Variants in OR8B3 observed in about 807,000 individuals in gnomAD.
OR8B3 encodes the protein olfactory receptor family 8 subfamily B member 3.
For synonymous variants in OR8B3, 102 were observed against 135.4 expected, an observed-to-expected ratio of 0.75 and a Z score of 1.71; for missense variants, 278 against 377.6, an observed-to-expected ratio of 0.74 and a Z score of 2.19.
At chr11:124,397,936 C>G (rs1486530335) in intron 1 of OR8B3, among the ~76,000 whole-genome samples, 1 of 152,094 alleles carries the variant, frequency 6.6e-6, no homozygotes, top group Non-Finnish European at 1.5e-5. Flanking sequence ...CTCAGATGAT[C>G]CACCTGCCTC....
upstream of OR8B3, among the ~76,000 whole-genome samples, chr11:124,400,244 A>G (rs992929291): frequency 1.3e-5 from 2 of 152,192 alleles, no homozygotes; most frequent in African/African-American, 4.8e-5. Context: ...TATGGGATAC[A>G]ATGTGGTGTT....
upstream of OR8B3, chr11:124,399,054 ACT>A (rs1860946200): frequency 6.6e-6 from 1 of 152,002 alleles, no homozygotes; most frequent in African/African-American, 2.4e-5. Context: ...ACCATGACAA[ACT>A]CTGCAGGGAA....
upstream of OR8B3, among the ~76,000 whole-genome samples, chr11:124,403,948 CA>C (rs1298373085): frequency 1.3e-5 from 2 of 152,126 alleles, no homozygotes; most frequent in East Asian, 3.9e-4. Flanking sequence ...CCGTCTCCAC[CA>C]AAAAAATACA....
upstream of OR8B3, among the ~76,000 whole-genome samples, chr11:124,402,125 T>C (rs1861003734): frequency 6.6e-6 from 1 of 152,346 alleles, no homozygotes; most frequent in South Asian, 2.1e-4. Flanking sequence ...GCCTTTTGCA[T>C]GTATTCTTAT....
At chr11:124,398,173 A>G (rs767478321) in intron 1 of OR8B3, among the ~76,000 whole-genome samples, 4 of 152,192 alleles carry the variant, frequency 2.6e-5, no homozygotes, top group Admixed American at 6.5e-5. Context: ...TGAAGTCACC[A>G]GGTGATAACA....
chr11:124,407,521 A>T, the OR8B3 span, among the ~76,000 whole-genome samples: 1 of 152,276 alleles, frequency 6.6e-6, no homozygotes, highest in East Asian at 1.9e-4. Context: ...GTCTGTATTT[A>T]TATAGCTTCA....
At chr11:124,401,057 G>A (rs574709414), upstream of OR8B3, among the ~76,000 whole-genome samples, 1 of 152,186 alleles carries the variant, frequency 6.6e-6, no homozygotes, top group South Asian at 2.1e-4. Context: ...TACAGTCACT[G>A]TTTTAGTTCA....
At chr11:124,409,142 G>T in the OR8B3 span, among the ~76,000 whole-genome samples, 1 of 152,174 alleles carries the variant, frequency 6.6e-6, no homozygotes, top group Non-Finnish European at 1.5e-5. Flanking sequence ...TGTTTAAACT[G>T]ATTTGGCTCA....
the OR8B3 span, among the ~76,000 whole-genome samples, chr11:124,406,030 T>A: frequency 6.6e-6 from 1 of 152,228 alleles, no homozygotes; most frequent in Non-Finnish European, 1.5e-5. Flanking sequence ...AGGGATACAG[T>A]CACTTGCCAT....
At chr11:124,399,472 A>G (rs180704187), upstream of OR8B3, among the ~76,000 whole-genome samples, 1 of 152,328 alleles carries the variant, frequency 6.6e-6, no homozygotes, top group African/African-American at 2.4e-5. Flanking sequence ...CTAACTCAAC[A>G]TGTCTTTGTC....
chr11:124,402,635 G>GT (rs1279354638), upstream of OR8B3, among the ~76,000 whole-genome samples: 1 of 152,156 alleles, frequency 6.6e-6, no homozygotes, highest in Non-Finnish European at 1.5e-5. Flanking sequence ...AAAATGTGAA[G>GT]TTTTTTAAAG....
At chr11:124,403,687 C>T (rs1489260598), upstream of OR8B3, among the ~76,000 whole-genome samples, 5 of 152,238 alleles carry the variant, frequency 3.3e-5, no homozygotes, top group South Asian at 2.1e-4. Context: ...CAGGCAGAGA[C>T]GCTCTTCACT....
In OR8B3 at chr11:124,396,704, A is replaced by C; in HGVS notation, c.648T>G (p.Ile216Met). Residue 216 changes from isoleucine (I) to methionine (M), a missense_variant, in exon 2 of 2, where the codon ATT becomes ATG. Transcript: ENST00000641139. ...NIMVPSCTIL[I>M]SYVFIVTSIL... ...TGCTAGTGACAATGAAAACATAAGA[A>C]ATGAGGATGGTACAACTGGGTACCA... 6.2e-7 allele frequency: 1 copy of C among 1,613,910 alleles called. No individual in the cohort carries two copies. The highest frequency in any genetic ancestry group is 8.5e-7 in the Non-Finnish European group (1 of 1,179,858).
chr11:124,404,791 T>C, the OR8B3 span: 1 of 152,212 alleles, frequency 6.6e-6, no homozygotes, highest in African/African-American at 2.4e-5. Flanking sequence ...GACCCCATTT[T>C]TAGGTTCTTT....
the OR8B3 span, among the ~76,000 whole-genome samples, chr11:124,408,066 G>A: frequency 6.6e-6 from 1 of 152,134 alleles, no homozygotes; most frequent in African/African-American, 2.4e-5. Context: ...ATGTATTAAT[G>A]TAACTTTCCA....
In OR8B3 at chr11:124,396,588, G is replaced by A. The variant is rs373987846; in HGVS notation, c.764C>T (p.Ala255Val). 41 of 1,612,402 alleles carry A rather than the reference G, an allele frequency of 2.5e-5. No individual in the cohort carries two copies. Among genetic ancestry groups the A allele is most frequent in the Middle Eastern group, 1.6e-4 (1 of 6,072 alleles). The change falls in exon 2 of 2, where the codon GCG (alanine) becomes GTG (valine). Residue 255 changes from alanine to valine, a missense_variant. Coordinates refer to ENST00000641139, the MANE Select transcript of OR8B3 (RefSeq NM_001005467.2). ...VIALSLFFGS[A>V]AFMYIKYSSG... Reference sequence around the variant, plus strand: ...AGAATATTTAATATACATGAATGCCGCTGACCCAAAAAACAGAGACAGAGC... The same window carrying A: ...AGAATATTTAATATACATGAATGCCACTGACCCAAAAAACAGAGACAGAGC...
the OR8B3 span, among the ~76,000 whole-genome samples, chr11:124,406,302 G>A: frequency 1.1e-4 from 16 of 152,128 alleles, no homozygotes; most frequent in South Asian, 2.1e-4. Flanking sequence ...ATTGATTGCC[G>A]TGGGGGTTAA....
At chr11:124,399,927 C>T (rs1030885082), upstream of OR8B3, among the ~76,000 whole-genome samples, 13 of 149,464 alleles carry the variant, frequency 8.7e-5, no homozygotes, top group African/African-American at 2.7e-4. Context: ...TTGCTGCAAT[C>T]ACAGCTTACT....
In OR8B3 at chr11:124,397,097, A is replaced by G. The variant is rs748347421; in HGVS notation, c.255T>C (p.Phe85=). 8 of 1,613,706 alleles carry G rather than the reference A, an allele frequency of 5.0e-6. No homozygotes were observed. Among genetic ancestry groups the G allele is most frequent in the African/African-American group, 1.3e-5 (1 of 74,840 alleles). ...SVFTPKMLMN[F]VSKKNIISYV... is the part of the protein sequence containing the mutation. ...AGGAGATAATATTCTTTTTTGATAC[A>G]AAGTTCATTAGCATTTTGGGAGTGA... The change falls in exon 2 of 2, where the codon TTT becomes TTC. Residue 85 remains phenylalanine, a synonymous_variant. Transcript: ENST00000641139.
Sources: gnomAD v4.1 joint callset for allele counts (sites outside exome capture counted in the v4.1 genomes callset) on GRCh38, gnomAD v4.1.1 for gene constraint, MANE v1.5 for transcripts, NCBI Gene and HGNC (gene_info 2026-07-23, HGNC 2026-07-21) for gene names.